Variants in SLC12A7 observed in about 807,000 individuals in gnomAD.
The protein encoded by SLC12A7 is K-Cl cotransporter 4.
A neutral mutation model predicts 120.6 loss-of-function variants in SLC12A7; 100 were observed. The observed-to-expected ratio is 0.83, with a 90% CI of 0.71 to 0.98. The LOEUF is 0.98. Among genes scored for constraint, SLC12A7 ranks in the 50% least tolerant of loss-of-function variants. The probability of loss-of-function intolerance (pLI) is 0.00; values close to 1 mark genes in which losing one functional copy is unlikely to be tolerated. For missense variants in SLC12A7, 1,373 were observed against 1,548.1 expected, an observed-to-expected ratio of 0.89 and a Z score of 1.90; for synonymous variants, 760 against 678.0, an observed-to-expected ratio of 1.12 and a Z score of -1.88.
chr5:1,096,870 G>A (rs1365637944), intron 1 of SLC12A7, among the ~76,000 whole-genome samples: 3 of 124,598 alleles, frequency 2.4e-5, no homozygotes, highest in Non-Finnish European at 3.4e-5. Context: ...GGGATGAAGG[G>A]AGGGAGGGAG....
intron 20 of SLC12A7, 96 bp from the exon 21 acceptor site, chr5:1,060,547 C>A: frequency 1.1e-6 from 1 of 929,348 alleles, no homozygotes. Context: ...CCGCCCTGAG[C>A]GGTGGGAAAG....
At chr5:1,100,601 C>T (rs1016335899) in intron 1 of SLC12A7, among the ~76,000 whole-genome samples, 1 of 152,230 alleles carries the variant, frequency 6.6e-6, no homozygotes, top group African/African-American at 2.4e-5. Context: ...AAGACGGCGC[C>T]CTCGGGGAGA....
At chr5:1,068,824 G>A (rs1483371254) in intron 17 of SLC12A7, among the ~76,000 whole-genome samples, 1 of 152,266 alleles carries the variant, frequency 6.6e-6, no homozygotes, top group Admixed American at 6.5e-5. Flanking sequence ...GAGCGTGGCA[G>A]GGGGTCCCGT....
intron 7 of SLC12A7, among the ~76,000 whole-genome samples, chr5:1,084,364 G>A (rs1004080186): frequency 6.6e-6 from 1 of 152,180 alleles, no homozygotes; most frequent in African/African-American, 2.4e-5. Flanking sequence ...ACCTCCCCCC[G>A]CGCCAGCACA....
At chr5:1,060,286 G>A (rs1214937175) in intron 21 of SLC12A7, 58 bp downstream of exon 21, 4 of 1,330,292 alleles carry the variant, frequency 3.0e-6, no homozygotes, top group South Asian at 2.4e-5. Context: ...AAAAGACTCG[G>A]CGAAGTCGGC....
At chr5:1,153,288 T>G in the SLC12A7 span, among the ~76,000 whole-genome samples, 1 of 152,214 alleles carries the variant, frequency 6.6e-6, no homozygotes, top group Non-Finnish European at 1.5e-5. Context: ...GGGGGAATGC[T>G]AGGCCTGAAC....
intron 6 of SLC12A7, among the ~76,000 whole-genome samples, chr5:1,086,137 GGGGACTCGGGTT>G (rs1198512040): frequency 6.6e-6 from 1 of 152,176 alleles, no homozygotes; most frequent in Non-Finnish European, 1.5e-5. Context: ...GACATGGCCA[GGGGACTCGGGTT>G]GGGACGGGTG....
rs1042446168 is a variant in SLC12A7 at position 1,081,165 on chromosome 5, A to T, written c.1297+412T>A. ...GAGACAGAGAAATGGACAAAGACAA[A>T]GGAAGAGAAAGAAGGAAGCCAGGCG... On this transcript the variant is annotated intron_variant, in intron 9 of 23. Coordinates refer to ENST00000264930, the MANE Select transcript of SLC12A7 (RefSeq NM_006598.3). 1.4e-4 allele frequency among the ~76,000 whole-genome samples: 22 copies of T among 152,080 alleles called. 1 individual carries two copies. The highest frequency in any genetic ancestry group is 5.2e-4 in the Admixed American group (8 of 15,268).
the SLC12A7 span, among the ~76,000 whole-genome samples, chr5:1,130,625 G>A: frequency 6.6e-6 from 1 of 152,206 alleles, no homozygotes; most frequent in Non-Finnish European, 1.5e-5. Context: ...CAGGGTGGGG[G>A]CAGCAGGGAG....
At chr5:1,056,696 C>A (rs1735651117) in intron 22 of SLC12A7, 4 of 512,910 alleles carry the variant, frequency 7.8e-6, no homozygotes, top group Middle Eastern at 9.6e-4. Context: ...CGCCTCATCC[C>A]ACCCCACAGG....
chr5:1,098,004 T>C (rs974177886), intron 1 of SLC12A7, among the ~76,000 whole-genome samples: 5 of 151,928 alleles, frequency 3.3e-5, no homozygotes, highest in Admixed American at 2.6e-4. Flanking sequence ...CCCGGGGACG[T>C]CATGGGCTCA....
rs781603420 is a variant in SLC12A7 at position 1,073,593 on chromosome 5, G to C, written c.2241+40C>G. On this transcript the variant is annotated intron_variant, in intron 17 of 23. Coordinates refer to ENST00000264930, the MANE Select transcript of SLC12A7 (RefSeq NM_006598.3). ...AGGGCACGTTTCCTGTGCAGCTGGG[G>C]TGGGAAAGAGGCCTGGCCCCCAGAC... 9 of 1,568,244 alleles carry C rather than the reference G, an allele frequency of 5.7e-6. No homozygotes were observed. The East Asian group carries it at 1.9e-4, about 33-fold the overall frequency.
At chr5:1,123,977 G>A in the SLC12A7 span, among the ~76,000 whole-genome samples, 3 of 152,170 alleles carry the variant, frequency 2.0e-5, no homozygotes, top group South Asian at 4.2e-4. Flanking sequence ...TAAATTCATC[G>A]CTCTCAGTGG....
At position 1,073,755 on chromosome 5, in the gene SLC12A7, TC is replaced by T; in HGVS notation, c.2118del (p.Lys707SerfsTer12). The stretch of plus-strand genomic sequence containing the variant: ...GTGAAGGACAGCAGGCGGGGGTGCT[TC>T]ACGGCCTGCTCCGCGTCCAGGTTCA... ...VMLNLDAEQA[V>X]KHPRLLSFTS... On this transcript the variant is annotated frameshift_variant, in exon 17 of 24. Coordinates refer to ENST00000264930, the MANE Select transcript of SLC12A7 (RefSeq NM_006598.3). LOFTEE classifies it high-confidence loss of function. 1 of 1,535,888 alleles carries T rather than the reference TC, an allele frequency of 6.5e-7. No homozygotes were observed. The highest frequency in any genetic ancestry group is 8.8e-7 in the Non-Finnish European group (1 of 1,136,798).
rs189975512 is a variant in SLC12A7, at chr5:1,051,138, A to G, written c.*1222T>C. On this transcript the variant is annotated 3_prime_UTR_variant, in exon 24 of 24. Coordinates refer to ENST00000264930, the MANE Select transcript of SLC12A7 (RefSeq NM_006598.3). ...TGTGACCACAACCTACAAAGCAGAA[A>G]CTCACAGCCAGCCGAAGTGCAAAGT... The G allele has an allele frequency of 4.9e-4, 194 of 392,640 alleles. No individual in the cohort carries two copies. The highest frequency in any genetic ancestry group is 7.8e-4 in the Non-Finnish European group (174 of 222,830). 24.3% of individuals were successfully genotyped at this position (392,640 alleles called of 1,614,324 possible).
chr5:1,087,866 A>T (rs1182887834), intron 5 of SLC12A7, among the ~76,000 whole-genome samples: 1 of 152,222 alleles, frequency 6.6e-6, no homozygotes, highest in Non-Finnish European at 1.5e-5. Flanking sequence ...TTACTAATTA[A>T]TATCATCTCG....
intron 22 of SLC12A7, chr5:1,056,643 A>G: frequency 1.0e-6 from 1 of 962,286 alleles, no homozygotes; most frequent in Non-Finnish European, 1.2e-6. Flanking sequence ...TTCAGGAGAG[A>G]GCACCAGGCT....
intron 7 of SLC12A7, among the ~76,000 whole-genome samples, chr5:1,084,853 GC>G (rs1476731580): frequency 6.6e-6 from 1 of 152,104 alleles, no homozygotes; most frequent in East Asian, 1.9e-4. Context: ...CAAGAAAAGA[GC>G]CCCTCCAAGC....
the SLC12A7 span, among the ~76,000 whole-genome samples, chr5:1,127,431 C>T: frequency 4.6e-5 from 7 of 152,302 alleles, no homozygotes; most frequent in South Asian, 2.1e-4. Flanking sequence ...TGCCTGGAGC[C>T]GCAGAAGTTG....
Sources: gnomAD v4.1 joint callset for allele counts (sites outside exome capture counted in the v4.1 genomes callset) on GRCh38, gnomAD v4.1.1 for gene constraint, MANE v1.5 for transcripts, NCBI Gene and HGNC (gene_info 2026-07-23, HGNC 2026-07-21) for gene names.